UTP15: variants seen among roughly 807,000 people sequenced by gnomAD.
UTP15 encodes U3 small nucleolar RNA-associated protein 15 homolog.
UTP15 carries 5 observed loss-of-function variants against 59.1 expected under a neutral mutation model. That is an observed-to-expected ratio of 0.08 (90% confidence interval 0.04 to 0.18). UTP15 has a LOEUF of 0.18. UTP15 is among the 10% of genes least tolerant of loss of function. UTP15 has a pLI of 1.00. For missense variants in UTP15, 494 were observed against 616.7 expected, an observed-to-expected ratio of 0.80 and a Z score of 2.11; for synonymous variants, 211 against 212.2, an observed-to-expected ratio of 0.99 and a Z score of 0.05.
rs1159837599 is a variant in UTP15 at position 73,580,617 on chromosome 5, A to G, written c.*523A>G. ...TTGATATCTACACTTGTCTTAGATC[A>G]CATGCCCTGCTTCAGCTGGTAATGG... On this transcript the variant is annotated 3_prime_UTR_variant, in exon 13 of 13. Coordinates refer to ENST00000296792, the MANE Select transcript of UTP15 (RefSeq NM_032175.4). The G allele has an allele frequency of 6.6e-6, 1 of 152,550 alleles. No homozygotes were observed. Among genetic ancestry groups the G allele is most frequent in the Non-Finnish European group, 1.5e-5 (1 of 68,334 alleles). 9.4% of individuals were successfully genotyped at this position (152,550 alleles called of 1,614,324 possible). A position where few individuals can be genotyped will look rare whatever the true frequency, so the allele number is the denominator to read the frequency against.
intron 9 of UTP15, 69 bp from the exon 10 acceptor site, chr5:73,578,682 A>C: frequency 7.5e-7 from 1 of 1,334,012 alleles, no homozygotes; most frequent in Admixed American, 1.8e-5. Context: ...ATTATGAAAA[A>C]GTTTATATTA....
Position 73,576,968 on chromosome 5 carries a change from A to G in UTP15, c.826A>G (p.Ser276Gly). The change falls in exon 8 of 13, where the codon AGC becomes GGC. Residue 276 changes from serine to glycine, a missense_variant. Transcript: ENST00000296792. The stretch of plus-strand genomic sequence containing the variant: ...TTTTATTAGGAAGGTGAAAGTATAC[A>G]GCACAACTTCCTACAAAGTAGTCCA... ...GSLDRKVKVY[S>G]TTSYKVVHSF... is the part of the protein sequence containing the mutation. 1 of 1,603,154 alleles carries G rather than the reference A, an allele frequency of 6.2e-7. No individual in the cohort carries two copies. The highest frequency in any genetic ancestry group is 8.5e-7 in the Non-Finnish European group (1 of 1,177,056).
At chr5:73,565,741 G>A (rs988474752), upstream of UTP15, 1 of 456,174 alleles carries the variant, frequency 2.2e-6, no homozygotes, top group South Asian at 1.5e-5. Context: ...GCGTGCTCTG[G>A]TACGTCATCT....
At chr5:73,574,646 C>T (rs1454663713) in intron 7 of UTP15, among the ~76,000 whole-genome samples, 1 of 152,022 alleles carries the variant, frequency 6.6e-6, no homozygotes, top group African/African-American at 2.4e-5. Flanking sequence ...CGCCACTGTA[C>T]CTGACTCATT....
intron 7 of UTP15, among the ~76,000 whole-genome samples, chr5:73,575,707 CT>C (rs1748069677): frequency 6.6e-6 from 1 of 150,490 alleles, no homozygotes; most frequent in South Asian, 2.1e-4. Context: ...TTGTGATGTG[CT>C]TTCATTGATA....
intron 5 of UTP15, among the ~76,000 whole-genome samples, 157 bp downstream of exon 5, chr5:73,569,832 G>A (rs2112041259): frequency 6.6e-6 from 1 of 152,182 alleles, no homozygotes; most frequent in South Asian, 2.1e-4. Flanking sequence ...TTTTATGTAT[G>A]TATGTTTGCA....
rs776271575 is a variant in UTP15 at position 73,568,543 on chromosome 5, G to A, written c.307G>A (p.Gly103Arg). The A allele has an allele frequency of 3.1e-6, 5 of 1,613,910 alleles. No individual in the cohort carries two copies. The highest frequency in any genetic ancestry group is 4.2e-6 in the Non-Finnish European group (5 of 1,179,940). ...RLLVAGSEDG[G>R]VQLFDISGRA... is the part of the protein sequence containing the mutation. Reference sequence around the variant, plus strand: ...GCTTGTGGCTGGCAGTGAAGATGGTGGAGTTCAACTTTTTGATATAAGTGG... The same window carrying A: ...GCTTGTGGCTGGCAGTGAAGATGGTAGAGTTCAACTTTTTGATATAAGTGG... The change falls in exon 4 of 13, where the codon GGA (glycine) becomes AGA (arginine). Residue 103 changes from glycine (G) to arginine (R), a missense_variant. Coordinates refer to ENST00000296792, the MANE Select transcript of UTP15 (RefSeq NM_032175.4).
chr5:73,572,565 C>G lies in UTP15; in HGVS notation c.750C>G (p.Thr250=), dbSNP rs143724010. Residue 250 remains threonine (T), a synonymous_variant, in exon 7 of 13, where the codon ACC becomes ACG. Transcript: ENST00000296792. Reference sequence around the variant, plus strand: ...TATCTTTGAAAAATCATCACAAAACCGTGACATGTTTATGTCTAAGCAGCT... The same window carrying G: ...TATCTTTGAAAAATCATCACAAAACGGTGACATGTTTATGTCTAAGCAGCT... The part of the protein sequence containing the change: ...LLVSLKNHHK[T]VTCLCLSSSG... 6.2e-7 allele frequency: 1 copy of G among 1,614,112 alleles called. No individual in the cohort carries two copies. Among genetic ancestry groups the G allele is most frequent in the Non-Finnish European group, 8.5e-7 (1 of 1,180,014 alleles).
chr5:73,582,175 C>G lies in UTP15; in HGVS notation c.*2081C>G, dbSNP rs897734388. On this transcript the variant is annotated 3_prime_UTR_variant, in exon 13 of 13. Transcript: ENST00000296792. ...ATTGAGTTAACGAAAGTAGTTGATT[C>G]ACTCTCGAAGTCCCTGAGTGTGAGC... is the stretch of plus-strand genomic sequence containing the variant. 6.6e-6 allele frequency: 1 copy of G among 152,170 alleles called. No homozygotes were observed. Among genetic ancestry groups the G allele is most frequent in the Admixed American group, 6.6e-5 (1 of 15,260 alleles). 9.4% of individuals were successfully genotyped at this position (152,170 alleles called of 1,614,324 possible). A position where few individuals can be genotyped will look rare whatever the true frequency, so the allele number is the denominator to read the frequency against.
rs2112041564 is a variant in UTP15 at position 73,570,021 on chromosome 5, A to G, written c.547+346A>G. Among the ~76,000 whole-genome samples, 2 of 151,896 alleles carry G rather than the reference A, an allele frequency of 1.3e-5. 1 individual carries two copies. Among genetic ancestry groups the G allele is most frequent in the South Asian group, 4.2e-4 (2 of 4,806 alleles). ...CTACTTTGTGTATTTTTTTGTAGAGACGGTTTTGCCATGTTGCCCAGGCTG... is the reference window on the plus strand; with the variant it reads ...CTACTTTGTGTATTTTTTTGTAGAGGCGGTTTTGCCATGTTGCCCAGGCTG... On this transcript the variant is annotated intron_variant, in intron 5 of 12. Transcript: ENST00000296792.
chr5:73,571,304 A>C (rs1346405071), intron 6 of UTP15, among the ~76,000 whole-genome samples: 1 of 151,320 alleles, frequency 6.6e-6, no homozygotes, highest in Admixed American at 6.6e-5. Context: ...TCTTGATTGA[A>C]ATGCCACTAC....
chr5:73,567,427 A>C lies in UTP15; in HGVS notation c.83A>C (p.Asn28Thr). 6.2e-7 allele frequency: 1 copy of C among 1,600,690 alleles called. No homozygotes were observed. The highest frequency in any genetic ancestry group is 8.5e-7 in the Non-Finnish European group (1 of 1,173,586). Residue 28 changes from asparagine to threonine, a missense_variant, in exon 2 of 13, where the codon AAC becomes ACC. By Grantham distance (65) the Asn-to-Thr change is moderately conservative. Coordinates refer to ENST00000296792, the MANE Select transcript of UTP15 (RefSeq NM_032175.4). ...KITQDTLYWN[N>T]YKTPVQIKEF... is the part of the protein sequence containing the mutation. ...ACCCAAGATACACTGTACTGGAACAACTATAAGGTGAGTGTGGGACGTAAT... is the reference window on the plus strand; with the variant it reads ...ACCCAAGATACACTGTACTGGAACACCTATAAGGTGAGTGTGGGACGTAAT...
intron 12 of UTP15, 42 bp from the exon 13 acceptor site, chr5:73,579,835 A>T: frequency 7.2e-7 from 1 of 1,396,174 alleles, no homozygotes; most frequent in Non-Finnish European, 9.7e-7. Flanking sequence ...TAATGTATGG[A>T]AAGATATTGC....
intron 12 of UTP15, 33 bp from the exon 13 acceptor site, chr5:73,579,844 G>A: frequency 2.1e-6 from 3 of 1,447,312 alleles, no homozygotes; most frequent in East Asian, 4.6e-5. Context: ...GAAAGATATT[G>A]CTAGTTAATG....
In UTP15 at chr5:73,570,022, C is replaced by T. The variant is rs189008556; in HGVS notation, c.547+347C>T. Among the ~76,000 whole-genome samples the T allele has an allele frequency of 8.6e-5, 13 of 151,798 alleles. No homozygotes were observed. The East Asian group carries it at 1.6e-3, about 18-fold the overall frequency. On this transcript the variant is annotated intron_variant, in intron 5 of 12. Coordinates refer to ENST00000296792, the MANE Select transcript of UTP15 (RefSeq NM_032175.4). ...TACTTTGTGTATTTTTTTGTAGAGACGGTTTTGCCATGTTGCCCAGGCTGG... is the reference window on the plus strand; with the variant it reads ...TACTTTGTGTATTTTTTTGTAGAGATGGTTTTGCCATGTTGCCCAGGCTGG...
intron 7 of UTP15, among the ~76,000 whole-genome samples, chr5:73,573,032 G>A (rs982259275): frequency 5.3e-5 from 8 of 152,130 alleles, no homozygotes; most frequent in Middle Eastern, 3.4e-3. Flanking sequence ...TCCTGACCTC[G>A]TGATCCGCCC....
At chr5:73,576,851 G>T (rs1580394241) in intron 7 of UTP15, 101 bp from the exon 8 acceptor site, 2 of 784,826 alleles carry the variant, frequency 2.5e-6, no homozygotes, top group Admixed American at 5.0e-5. Context: ...CTTCACTGTT[G>T]TACAGATTTT....
rs755029714 is a variant in UTP15, at chr5:73,570,602, T to C, written c.564T>C (p.Thr188=). The C allele has an allele frequency of 5.6e-6, 9 of 1,614,182 alleles. No individual in the cohort carries two copies. Among genetic ancestry groups the C allele is most frequent in the Non-Finnish European group, 5.9e-6 (7 of 1,180,018 alleles). Residue 188 remains threonine (T), a synonymous_variant, in exon 6 of 13, where the codon ACT becomes ACC. Coordinates refer to ENST00000296792, the MANE Select transcript of UTP15 (RefSeq NM_032175.4). ...DLFITGSYDH[T]VKMFDARTSE... ...ACATTTTAGGATCATATGATCATACTGTGAAGATGTTTGATGCACGAACGA... is the reference window on the plus strand; with the variant it reads ...ACATTTTAGGATCATATGATCATACCGTGAAGATGTTTGATGCACGAACGA...
At chr5:73,578,529 A>G (rs1002278414) in intron 9 of UTP15, 4 of 469,890 alleles carry the variant, frequency 8.5e-6, no homozygotes, top group African/African-American at 3.9e-5. Flanking sequence ...TTAAAATTAT[A>G]AGAGAGTAAG....
Sources: gnomAD v4.1 joint callset for allele counts (sites outside exome capture counted in the v4.1 genomes callset) on GRCh38, gnomAD v4.1.1 for gene constraint, MANE v1.5 for transcripts, NCBI Gene and HGNC (gene_info 2026-07-23, HGNC 2026-07-21) for gene names.